Variants in R3HDM2 observed in about 807,000 individuals in gnomAD.
R3HDM2 encodes R3H domain containing 2.
R3HDM2 carries 38 observed loss-of-function variants against 124.5 expected under a neutral mutation model. The observed-to-expected ratio is 0.31, with a 90% CI of 0.24 to 0.40. The LOEUF (loss-of-function observed/expected upper bound fraction) is 0.40. Among genes scored for constraint, R3HDM2 ranks in the 10% least tolerant of loss-of-function variants. The probability of loss-of-function intolerance (pLI) is 1.00; values close to 1 mark genes in which losing one functional copy is unlikely to be tolerated. For synonymous variants in R3HDM2, 391 were observed against 448.0 expected (o/e 0.87, Z 1.61); for missense variants, 869 against 1,236.9 (o/e 0.70, Z 4.46).
At chr12:57,325,908 C>T (rs754335346) in intron 2 of R3HDM2, among the ~76,000 whole-genome samples, 8 of 151,810 alleles carry the variant, frequency 5.3e-5, no homozygotes, top group East Asian at 1.9e-4. Flanking sequence ...GCAAGTCTAT[C>T]GGCACCATTT....
chr12:57,405,573 G>A (rs545306499), intron 1 of R3HDM2, among the ~76,000 whole-genome samples: 24 of 152,256 alleles, frequency 1.6e-4, no homozygotes, highest in African/African-American at 5.5e-4. Context: ...GATCAAGACT[G>A]CAGTGAGCTA....
chr12:57,405,532 G>C (rs939936423), intron 1 of R3HDM2, among the ~76,000 whole-genome samples: 5 of 152,078 alleles, frequency 3.3e-5, no homozygotes, highest in African/African-American at 1.2e-4. Flanking sequence ...TACTGGGGAG[G>C]CTGAGGTGGG....
At chr12:57,311,531 G>A (rs1027254277) in intron 2 of R3HDM2, among the ~76,000 whole-genome samples, 1 of 151,774 alleles carries the variant, frequency 6.6e-6, no homozygotes, top group Non-Finnish European at 1.5e-5. Flanking sequence ...CAGCCTGCCC[G>A]GCTAATTTTT....
chr12:57,339,330 C>G (rs575444498), intron 2 of R3HDM2, among the ~76,000 whole-genome samples: 1 of 152,216 alleles, frequency 6.6e-6, no homozygotes, highest in African/African-American at 2.4e-5. Flanking sequence ...ATAATTTGGC[C>G]AAGGTCACAG....
At chr12:57,302,598 G>A (rs2051454372) in intron 4 of R3HDM2, among the ~76,000 whole-genome samples, 1 of 150,478 alleles carries the variant, frequency 6.6e-6, no homozygotes, top group Non-Finnish European at 1.5e-5. Flanking sequence ...TCCAGAAGAC[G>A]GAGGTTGCAG....
chr12:57,268,843 G>C lies in R3HDM2; in HGVS notation c.1875+79C>G, dbSNP rs548229344. The C allele has an allele frequency of 1.5e-3, 2,288 of 1,498,788 alleles. No homozygotes were observed. The highest frequency in any genetic ancestry group is 2.0e-3 in the Non-Finnish European group (2,184 of 1,109,338). The allele number at this position is 1,498,788 out of a possible 1,614,324, so 92.8% of individuals were successfully genotyped here. A position where few individuals can be genotyped will look rare whatever the true frequency, so the allele number is the denominator to read the frequency against. ...CACTATTTTAGTATTGGAGTTTTTA[G>C]TATGGATGACCCTGGGAGGCTCTCC... is the stretch of plus-strand genomic sequence containing the variant. On this transcript the variant is annotated intron_variant, in intron 17 of 23. Coordinates refer to ENST00000402412, the MANE Select transcript of R3HDM2 (RefSeq NM_001394031.1).
chr12:57,349,777 G>T (rs551882958), intron 2 of R3HDM2, among the ~76,000 whole-genome samples: 3 of 151,920 alleles, frequency 2.0e-5, no homozygotes, highest in Non-Finnish European at 4.4e-5. Flanking sequence ...AGCCAGGATG[G>T]TCTCCATCTC....
chr12:57,313,843 T>C (rs1198635924), intron 2 of R3HDM2, among the ~76,000 whole-genome samples: 1 of 118,180 alleles, frequency 8.5e-6, no homozygotes, highest in Non-Finnish European at 1.6e-5. Context: ...ACCACACCAC[T>C]ACACTCCAGC....
chr12:57,427,668 G>T (rs540468321), intron 1 of R3HDM2, among the ~76,000 whole-genome samples: 2 of 152,008 alleles, frequency 1.3e-5, no homozygotes, highest in East Asian at 3.9e-4. Flanking sequence ...TTCTACTAGG[G>T]GAGATTAAAA....
intron 1 of R3HDM2, among the ~76,000 whole-genome samples, chr12:57,412,065 G>A (rs1566508324): frequency 6.6e-6 from 1 of 152,066 alleles, no homozygotes; most frequent in African/African-American, 2.4e-5. Flanking sequence ...AGGCCTACCT[G>A]GCCATTCGAA....
chr12:57,426,925 C>T, intron 1 of R3HDM2, among the ~76,000 whole-genome samples: 1 of 152,314 alleles, frequency 6.6e-6, no homozygotes, highest in South Asian at 2.1e-4. Context: ...CTTACCTACT[C>T]AGTCAATAAA....
rs886682880 is a variant in R3HDM2, at chr12:57,341,463, A to G, written c.-35-31000T>C. On this transcript the variant is annotated intron_variant, in intron 2 of 23. Coordinates refer to ENST00000402412, the MANE Select transcript of R3HDM2 (RefSeq NM_001394031.1). ...GAAAAAGACTGCAAACAAAATCACT[A>G]CGTCACTGGAGGTAGAGGGAATCCC... The G allele has an allele frequency of 5.1e-6, 5 of 971,626 alleles. No homozygotes were observed. The African/African-American group carries it at 8.8e-5, about 17-fold the overall frequency. The allele number at this position is 971,626 out of a possible 1,614,324, so 60.2% of individuals were successfully genotyped here.
At chr12:57,346,502 GACA>G (rs1023343185) in intron 2 of R3HDM2, among the ~76,000 whole-genome samples, 27 of 151,892 alleles carry the variant, frequency 1.8e-4, no homozygotes, top group African/African-American at 5.5e-4. Context: ...AAGGAAGTGG[GACA>G]ACATTTTTTT....
chr12:57,399,889 C>T (rs2067895113), intron 1 of R3HDM2, among the ~76,000 whole-genome samples: 1 of 152,174 alleles, frequency 6.6e-6, no homozygotes, highest in South Asian at 2.1e-4. Flanking sequence ...AAACTCAGGG[C>T]AAGGGGCTCA....
intron 1 of R3HDM2, chr12:57,415,292 A>G (rs1238159665): frequency 1.3e-5 from 2 of 152,202 alleles, no homozygotes; most frequent in Non-Finnish European, 2.9e-5. Flanking sequence ...TCAAAGCACC[A>G]GTGGTGCTCG....
At position 57,280,508 on chromosome 12, in the gene R3HDM2, T is replaced by C. The variant is rs377651455; in HGVS notation, c.1194A>G (p.Glu398=). The C allele has an allele frequency of 6.2e-7, 1 of 1,610,586 alleles. No individual in the cohort carries two copies. The highest frequency in any genetic ancestry group is 8.5e-7 in the Non-Finnish European group (1 of 1,177,976). Residue 398 remains glutamate, a synonymous_variant, in exon 14 of 24, where the codon GAA becomes GAG. Coordinates refer to ENST00000402412, the MANE Select transcript of R3HDM2 (RefSeq NM_001394031.1). Reference sequence around the variant, plus strand: ...GGGATGAGGTGACCTGGTTGCACACTTCTGGGGCACCTAGTGCCATACCTA... The same window carrying C: ...GGGATGAGGTGACCTGGTTGCACACCTCTGGGGCACCTAGTGCCATACCTA... ...SRPGMALGAP[E]VCNQVTSSQS... is the part of the protein sequence containing the mutation.
intron 2 of R3HDM2, among the ~76,000 whole-genome samples, chr12:57,361,375 CAAAA>C (rs71084747): frequency 1.7e-5 from 1 of 57,348 alleles, no homozygotes; most frequent in Non-Finnish European, 3.6e-5. Context: ...AACTCTGTCT[CAAAA>C]AAAAAAAAAA....
intron 1 of R3HDM2, among the ~76,000 whole-genome samples, chr12:57,403,806 G>C (rs992349084): frequency 7.3e-6 from 1 of 136,182 alleles, no homozygotes; most frequent in Admixed American, 7.8e-5. Flanking sequence ...GCGACAGAGT[G>C]AGACTCTGTC....
At position 57,398,518 on chromosome 12, in the gene R3HDM2, T is replaced by C. The variant is rs967462357; in HGVS notation, c.-105-2700A>G. ...TCTTTTTTTTTTTTGAGATGGAGTC[T>C]TACTCCGTCACACAGGCTGGAGTGC... On this transcript the variant is annotated intron_variant, in intron 1 of 23. Coordinates refer to ENST00000402412, the MANE Select transcript of R3HDM2 (RefSeq NM_001394031.1). Among the ~76,000 whole-genome samples the C allele has an allele frequency of 2.6e-5, 4 of 151,864 alleles. No homozygotes were observed. In the East Asian group the frequency reaches 7.7e-4, roughly 29 times the overall value.
Sources: gnomAD v4.1 joint callset for allele counts (sites outside exome capture counted in the v4.1 genomes callset) on GRCh38, gnomAD v4.1.1 for gene constraint, MANE v1.5 for transcripts, NCBI Gene and HGNC (gene_info 2026-07-23, HGNC 2026-07-21) for gene names.